Variants in ZFAT observed in about 807,000 individuals in gnomAD.
ZFAT encodes zinc finger protein ZFAT.
Under a neutral mutation model 117.7 loss-of-function variants are expected in ZFAT, and 64 were observed. That is an observed-to-expected ratio of 0.54 (90% CI 0.44 to 0.67). The LOEUF (loss-of-function observed/expected upper bound fraction) is 0.67, where lower values mean the gene tolerates loss of function less well. Among genes scored for constraint, ZFAT ranks in the 30% least tolerant of loss-of-function variants. The pLI, the probability that ZFAT is intolerant of heterozygous loss-of-function variation, is 0.00. For synonymous variants in ZFAT, 679 were observed against 615.0 expected (o/e 1.10, Z -1.54); for missense variants, 1,433 against 1,584.5 (o/e 0.90, Z 1.62).
the ZFAT span, among the ~76,000 whole-genome samples, chr8:134,788,919 C>G: frequency 2.0e-5 from 3 of 151,656 alleles, no homozygotes; most frequent in Admixed American, 2.0e-4. Context: ...TTTTTTTTCC[C>G]TATGCCATTT....
chr8:134,698,293 C>T (rs1186318621), intron 1 of ZFAT, among the ~76,000 whole-genome samples: 1 of 145,090 alleles, frequency 6.9e-6, no homozygotes, highest in East Asian at 2.0e-4. Flanking sequence ...CACTTCACTC[C>T]AGCCTGGGTG....
the ZFAT span, among the ~76,000 whole-genome samples, chr8:134,786,860 T>C: frequency 6.6e-6 from 1 of 150,404 alleles, no homozygotes; most frequent in Non-Finnish European, 1.5e-5. Flanking sequence ...TTTTTTTTAA[T>C]TTTAGACAGG....
intron 1 of ZFAT, among the ~76,000 whole-genome samples, chr8:134,706,408 C>T (rs1476591344): frequency 2.0e-5 from 3 of 152,100 alleles, no homozygotes; most frequent in Non-Finnish European, 4.4e-5. Flanking sequence ...CTAGTGGTTG[C>T]GGCCGGGAGT....
chr8:134,577,670 AT>A (rs1265909700), intron 10 of ZFAT, among the ~76,000 whole-genome samples: 3 of 152,186 alleles, frequency 2.0e-5, no homozygotes, highest in Non-Finnish European at 4.4e-5. Flanking sequence ...TACAAAATAA[AT>A]GTAGTAAGTC....
Position 134,535,933 on chromosome 8 carries a change from G to A in ZFAT, c.2977-2961C>T, listed in dbSNP as rs765449124. ...GAAAATGCTATATTGCCAGCATCGG[G>A]CAGTCAGTGGGCATAAAAGGCAGGA... is the stretch of plus-strand genomic sequence containing the variant. On this transcript the variant is annotated intron_variant, in intron 11 of 15. Coordinates refer to ENST00000377838, the MANE Select transcript of ZFAT (RefSeq NM_020863.4). Among the ~76,000 whole-genome samples, 27 of 152,090 alleles carry A rather than the reference G, an allele frequency of 1.8e-4. 1 individual carries two copies. The highest frequency in any genetic ancestry group is 1.3e-4 in the Admixed American group (2 of 15,278).
At chr8:134,665,707 G>T (rs1832182364) in intron 1 of ZFAT, among the ~76,000 whole-genome samples, 1 of 147,472 alleles carries the variant, frequency 6.8e-6, no homozygotes, top group Admixed American at 6.7e-5. Context: ...TGTGGTGTCT[G>T]TATCCTTCCA....
the ZFAT span, chr8:134,795,144 A>T: frequency 1.3e-5 from 2 of 152,180 alleles, no homozygotes; most frequent in Non-Finnish European, 2.9e-5. Flanking sequence ...TCCATTTCCT[A>T]AAGCCCTTGG....
At chr8:134,678,315 C>T (rs945085954) in intron 1 of ZFAT, among the ~76,000 whole-genome samples, 3 of 151,924 alleles carry the variant, frequency 2.0e-5, no homozygotes, top group Non-Finnish European at 4.4e-5. Context: ...AACAGAGAGC[C>T]AAATCATGAG....
At chr8:134,711,157 T>G (rs1450371383) in intron 1 of ZFAT, among the ~76,000 whole-genome samples, 2 of 152,200 alleles carry the variant, frequency 1.3e-5, no homozygotes, top group African/African-American at 4.8e-5. Context: ...AAAATAGAGA[T>G]GGGGTTTCAC....
chr8:134,497,989 G>A (rs1270113010), intron 15 of ZFAT, among the ~76,000 whole-genome samples: 1 of 147,028 alleles, frequency 6.8e-6, no homozygotes, highest in African/African-American at 2.6e-5. Flanking sequence ...GGATGCCCCC[G>A]CTGCTGGTTA....
chr8:134,788,969 C>G, the ZFAT span, among the ~76,000 whole-genome samples: 607 of 151,952 alleles, frequency 4.0e-3, 6 homozygotes, highest in African/African-American at 0.014. Context: ...TTAAAGTATG[C>G]CTCTTGTAAG....
At chr8:134,565,879 A>G (rs1649641582) in intron 10 of ZFAT, among the ~76,000 whole-genome samples, 2 of 152,102 alleles carry the variant, frequency 1.3e-5, no homozygotes, top group South Asian at 4.1e-4. Flanking sequence ...GAAATTCAAG[A>G]GCTGAGCCAG....
chr8:134,755,778 CT>C, the ZFAT span, among the ~76,000 whole-genome samples: 1 of 136,224 alleles, frequency 7.3e-6, no homozygotes, highest in African/African-American at 2.8e-5. Context: ...CGCCACTGCA[CT>C]CCAGCCTGGG....
intron 7 of ZFAT, among the ~76,000 whole-genome samples, chr8:134,591,644 G>C (rs1349604209): frequency 1.3e-5 from 2 of 152,214 alleles, no homozygotes; most frequent in South Asian, 2.1e-4. Context: ...GAGGTCACTA[G>C]GGTGGGCCCT....
chr8:134,590,138 TTTCCCATGAATA>T (rs1826355218), intron 8 of ZFAT, 118 bp downstream of exon 8: 2 of 649,082 alleles, frequency 3.1e-6, no homozygotes, highest in African/African-American at 3.6e-5. Flanking sequence ...AAGATGTTTG[TTTCCCATGAATA>T]TATTCACAGC....
chr8:134,519,760 G>A (rs1820513808), intron 13 of ZFAT, among the ~76,000 whole-genome samples: 1 of 152,140 alleles, frequency 6.6e-6, no homozygotes, highest in African/African-American at 2.4e-5. Context: ...GTCTGCTTCT[G>A]ACTTCTGTGG....
chr8:134,630,240 A>T (rs1829793287), intron 3 of ZFAT, among the ~76,000 whole-genome samples: 2 of 152,198 alleles, frequency 1.3e-5, no homozygotes, highest in Non-Finnish European at 1.5e-5. Context: ...CTGGGTTTCC[A>T]CTCACCTAGT....
rs1008905042 is a variant in ZFAT at position 134,610,504 on chromosome 8, T to C, written c.600A>G (p.Ile200Met). 1.9e-6 allele frequency: 3 copies of C among 1,614,130 alleles called. No homozygotes were observed. Among genetic ancestry groups the C allele is most frequent in the Non-Finnish European group, 2.5e-6 (3 of 1,180,022 alleles). ...CTTCGTGTGCAGTTAAAACCACACTTATGATGGGTTTCTTCGCCCCAGAAA... is the reference window on the plus strand; with the variant it reads ...CTTCGTGTGCAGTTAAAACCACACTCATGATGGGTTTCTTCGCCCCAGAAA... Reference protein sequence around the residue: ...RQLSGAKKPIISVVLTAHEAI... With the variant: ...RQLSGAKKPIMSVVLTAHEAI... The change falls in exon 4 of 16, where the codon ATA becomes ATG. Residue 200 changes from isoleucine (I) to methionine (M), a missense_variant. By Grantham distance (10) the Ile-to-Met change is conservative. Transcript: ENST00000377838.
intron 1 of ZFAT, among the ~76,000 whole-genome samples, chr8:134,668,750 G>A (rs974297017): frequency 1.3e-4 from 20 of 152,332 alleles, no homozygotes; most frequent in Non-Finnish European, 1.5e-4. Context: ...AAAGCTGGAC[G>A]GAGAATGACT....
Sources: allele counts gnomAD v4.1 joint callset (sites outside exome capture counted in the v4.1 genomes callset), GRCh38; gene constraint gnomAD v4.1.1; transcripts MANE v1.5; gene names NCBI Gene and HGNC (gene_info 2026-07-23, HGNC 2026-07-21).